Variants in RIMS2 observed in about 807,000 individuals in gnomAD.
The protein encoded by RIMS2 is regulating synaptic membrane exocytosis protein 2.
RIMS2 carries 59 observed loss-of-function variants against 174.4 expected under a neutral mutation model. That is an observed-to-expected ratio of 0.34 (90% CI 0.27 to 0.42). The LOEUF (loss-of-function observed/expected upper bound fraction) is 0.42. Among genes scored for constraint, RIMS2 ranks in the 10% least tolerant of loss-of-function variants. The pLI, the probability that RIMS2 is intolerant of heterozygous loss-of-function variation, is 1.00. For missense variants in RIMS2, 1,620 were observed against 1,666.3 expected (o/e 0.97, Z 0.48); for synonymous variants, 606 against 572.5 (o/e 1.06, Z -0.84).
At chr8:103,594,332 A>G (rs2094399137) in intron 1 of RIMS2, among the ~76,000 whole-genome samples, 1 of 151,404 alleles carries the variant, frequency 6.6e-6, no homozygotes, top group South Asian at 2.1e-4. Context: ...TCAAGACAAG[A>G]TGTTCCTTAT....
At chr8:104,191,447 G>A (rs566959833) in intron 19 of RIMS2, among the ~76,000 whole-genome samples, 1 of 152,168 alleles carries the variant, frequency 6.6e-6, no homozygotes, top group African/African-American at 2.4e-5. Flanking sequence ...AGTAAAGTGT[G>A]ACACCAATCA....
rs188114284 is a variant in RIMS2, at chr8:103,710,131, C to T, written c.387+12835C>T. On this transcript the variant is annotated intron_variant, in intron 2 of 23. Coordinates refer to ENST00000504942, the Ensembl canonical transcript of RIMS2. ...TTCCCAACAGGTACTAAATACATTT[C>T]TTTGATTTTTCATAGCCCAAAAGGA... 1.3e-3 allele frequency among the ~76,000 whole-genome samples: 204 copies of T among 151,852 alleles called. 1 individual carries two copies. The highest frequency in any genetic ancestry group is 4.6e-3 in the African/African-American group (191 of 41,438).
At chr8:103,788,058 C>T (rs954698579) in intron 3 of RIMS2, among the ~76,000 whole-genome samples, 4 of 150,866 alleles carry the variant, frequency 2.7e-5, no homozygotes, top group South Asian at 2.1e-4. Context: ...TCCAGTTGAT[C>T]GCATTGGCTC....
chr8:104,183,713 T>C (rs1159114364), intron 19 of RIMS2, among the ~76,000 whole-genome samples: 1 of 151,640 alleles, frequency 6.6e-6, no homozygotes, highest in Non-Finnish European at 1.5e-5. Flanking sequence ...CATCAGAGTA[T>C]AAAATAATAT....
At chr8:103,921,968 A>C (rs1354199674) in intron 10 of RIMS2, 184 bp downstream of exon 13, 2 of 350,202 alleles carry the variant, frequency 5.7e-6, no homozygotes, top group East Asian at 9.5e-5. Flanking sequence ...TCATTTATTA[A>C]GAGTTAGATT....
At chr8:103,590,251 A>T (rs2094185824) in intron 1 of RIMS2, among the ~76,000 whole-genome samples, 1 of 151,424 alleles carries the variant, frequency 6.6e-6, no homozygotes, top group Non-Finnish European at 1.5e-5. Flanking sequence ...CAAAAAAGAG[A>T]AAAACCTCAA....
At chr8:103,704,888 G>T (rs1359933041) in intron 2 of RIMS2, among the ~76,000 whole-genome samples, 1 of 151,262 alleles carries the variant, frequency 6.6e-6, no homozygotes, top group African/African-American at 2.4e-5. Flanking sequence ...TGTTAATTTT[G>T]TTTACATTTT....
intron 19 of RIMS2, among the ~76,000 whole-genome samples, chr8:104,112,789 A>C (rs566487114): frequency 6.6e-6 from 1 of 152,216 alleles, no homozygotes; most frequent in Non-Finnish European, 1.5e-5. Context: ...AACACTGCCT[A>C]GCACAGCACA....
intron 1 of RIMS2, among the ~76,000 whole-genome samples, chr8:103,549,888 T>C (rs979578119): frequency 1.3e-5 from 2 of 152,076 alleles, no homozygotes; most frequent in Non-Finnish European, 1.5e-5. Context: ...CATTACATAA[T>C]GGTAAAGGGA....
chr8:104,189,084 A>G (rs545579822), intron 19 of RIMS2, among the ~76,000 whole-genome samples: 1 of 152,112 alleles, frequency 6.6e-6, no homozygotes, highest in African/African-American at 2.4e-5. Flanking sequence ...TATTTTGTGT[A>G]TTTCAAAAGT....
At chr8:104,085,910 C>T (rs1211910991) in intron 19 of RIMS2, among the ~76,000 whole-genome samples, 1 of 152,038 alleles carries the variant, frequency 6.6e-6, no homozygotes. Context: ...GATGTCCTGT[C>T]AGCATCTGGA....
intron 3 of RIMS2, among the ~76,000 whole-genome samples, chr8:103,776,772 T>C (rs1211676752): frequency 1.3e-5 from 2 of 152,142 alleles, no homozygotes; most frequent in African/African-American, 4.8e-5. Flanking sequence ...GTTAGTAGAA[T>C]TATTTTAAGA....
rs77861536 is a variant in RIMS2 at position 103,565,810 on chromosome 8, G to A, written c.176+64748G>A. On this transcript the variant is annotated intron_variant, in intron 1 of 23. Coordinates refer to ENST00000504942, the Ensembl canonical transcript of RIMS2. Reference sequence around the variant, plus strand: ...AGACCTTGACCCCAGCCACTGTCCCGGTTCTTGACACCTTTGCGAGAGAGT... The same window carrying A: ...AGACCTTGACCCCAGCCACTGTCCCAGTTCTTGACACCTTTGCGAGAGAGT... Among the ~76,000 whole-genome samples, 799 of 152,206 alleles carry A rather than the reference G, an allele frequency of 5.2e-3. 12 individuals carry two copies. The highest frequency in any genetic ancestry group is 0.018 in the African/African-American group (754 of 41,522).
chr8:104,084,946 G>A (rs2097510436), intron 19 of RIMS2, among the ~76,000 whole-genome samples: 1 of 151,910 alleles, frequency 6.6e-6, no homozygotes, highest in African/African-American at 2.4e-5. Flanking sequence ...TTAATCCCTT[G>A]GTCATTATGG....
intron 19 of RIMS2, among the ~76,000 whole-genome samples, chr8:104,196,072 T>C (rs2099022668): frequency 6.6e-6 from 1 of 152,074 alleles, no homozygotes; most frequent in Admixed American, 6.5e-5. Flanking sequence ...TTATAAAACA[T>C]GAAATATTTG....
intron 1 of RIMS2, among the ~76,000 whole-genome samples, chr8:103,502,104 A>G (rs1820475577): frequency 6.6e-6 from 1 of 152,020 alleles, no homozygotes; most frequent in African/African-American, 2.4e-5. Context: ...TTTTCTTTTT[A>G]CTTGAAATGA....
intron 19 of RIMS2, among the ~76,000 whole-genome samples, chr8:104,059,398 G>A (rs2096934967): frequency 6.6e-6 from 1 of 151,380 alleles, no homozygotes; most frequent in South Asian, 2.1e-4. Flanking sequence ...AAGAATGCTT[G>A]TGATTTTTGT....
At chr8:103,621,250 T>G (rs1005246210) in intron 1 of RIMS2, among the ~76,000 whole-genome samples, 1 of 152,116 alleles carries the variant, frequency 6.6e-6, no homozygotes, top group African/African-American at 2.4e-5. Context: ...GCCACAAGAG[T>G]ACACTGAACA....
intron 2 of RIMS2, among the ~76,000 whole-genome samples, chr8:103,761,874 G>A (rs2098116325): frequency 6.6e-6 from 1 of 152,088 alleles, no homozygotes; most frequent in Admixed American, 6.6e-5. Flanking sequence ...ATAGGAGCTT[G>A]GCCTATGGTC....
Sources: allele counts gnomAD v4.1 joint callset (sites outside exome capture counted in the v4.1 genomes callset), GRCh38; gene constraint gnomAD v4.1.1; transcripts MANE v1.5; gene names NCBI Gene and HGNC (gene_info 2026-07-23, HGNC 2026-07-21).